The following ROBO1 variants were observed in gnomAD, a reference collection of about 807,000 sequenced individuals.
ROBO1 encodes the protein roundabout homolog 1.
Under a neutral mutation model 195.9 loss-of-function variants are expected in ROBO1, and 149 were observed. The ratio of observed to expected loss-of-function variants is 0.76; its 90% CI spans 0.67 to 0.87. The LOEUF (loss-of-function observed/expected upper bound fraction) is 0.87. Ranked by LOEUF, ROBO1 falls within the 40% of genes least tolerant of loss-of-function variation. The pLI is 0.00. For missense variants in ROBO1, 1,933 were observed against 2,068.3 expected, an observed-to-expected ratio of 0.93 and a Z score of 1.27; for synonymous variants, 816 against 733.2, an observed-to-expected ratio of 1.11 and a Z score of -1.82.
chr3:79,066,129 C>T (rs988302932), intron 3 of ROBO1, among the ~76,000 whole-genome samples: 33 of 151,958 alleles, frequency 2.2e-4, no homozygotes, highest in African/African-American at 7.2e-4. Context: ...ATGAGAGAGT[C>T]TGTAGGTCAG....
At chr3:79,503,781 G>A (rs1422735458) in intron 2 of ROBO1, among the ~76,000 whole-genome samples, 2 of 152,108 alleles carry the variant, frequency 1.3e-5, no homozygotes, top group Non-Finnish European at 2.9e-5. Context: ...TGTATTTTAA[G>A]ACAATGGCTA....
intron 5 of ROBO1, among the ~76,000 whole-genome samples, chr3:78,738,123 A>G (rs1467696013): frequency 6.6e-6 from 1 of 152,162 alleles, no homozygotes; most frequent in Non-Finnish European, 1.5e-5. Flanking sequence ...TGGCGTAGGA[A>G]GGAGACATGT....
intron 3 of ROBO1, among the ~76,000 whole-genome samples, chr3:78,971,712 C>A (rs2076769722): frequency 6.6e-6 from 1 of 152,110 alleles, no homozygotes; most frequent in Admixed American, 6.6e-5. Flanking sequence ...GATAAAAAAT[C>A]AAATACTTTG....
chr3:79,713,784 A>G (rs1702370621), intron 1 of ROBO1, among the ~76,000 whole-genome samples: 2 of 152,156 alleles, frequency 1.3e-5, no homozygotes, highest in Non-Finnish European at 2.9e-5. Context: ...GACGTAAGGA[A>G]TAAATCCAGT....
At chr3:79,753,168 T>A (rs1034324304) in intron 1 of ROBO1, among the ~76,000 whole-genome samples, 2 of 152,166 alleles carry the variant, frequency 1.3e-5, no homozygotes, top group Non-Finnish European at 2.9e-5. Context: ...TATAGACCTG[T>A]GGTTCTCAAC....
At chr3:79,071,801 C>T (rs893715470) in intron 3 of ROBO1, among the ~76,000 whole-genome samples, 1 of 151,526 alleles carries the variant, frequency 6.6e-6, no homozygotes, top group Admixed American at 6.6e-5. Flanking sequence ...GCAGCAGAGA[C>T]TTTACGGCAG....
At chr3:79,265,150 A>AAT (rs1265914742) in intron 2 of ROBO1, among the ~76,000 whole-genome samples, 3 of 151,892 alleles carry the variant, frequency 2.0e-5, no homozygotes, top group Non-Finnish European at 4.4e-5. Context: ...CTAATCAGAT[A>AAT]ATATACATAA....
intron 2 of ROBO1, among the ~76,000 whole-genome samples, chr3:79,540,571 A>G (rs902294435): frequency 3.3e-5 from 5 of 152,126 alleles, no homozygotes; most frequent in Non-Finnish European, 7.4e-5. Flanking sequence ...TCTGTTTCAT[A>G]AACAACACAT....
intron 3 of ROBO1, among the ~76,000 whole-genome samples, chr3:79,105,921 CG>C (rs1004067233): frequency 1.3e-5 from 2 of 151,550 alleles, no homozygotes; most frequent in African/African-American, 4.8e-5. Flanking sequence ...TGTAAGTTGC[CG>C]GAGGTCCCCA....
intron 2 of ROBO1, among the ~76,000 whole-genome samples, chr3:79,421,015 T>C (rs1484979075): frequency 6.6e-6 from 1 of 152,098 alleles, no homozygotes; most frequent in Non-Finnish European, 1.5e-5. Context: ...AAAATGTACA[T>C]ATACACCATG....
chr3:79,076,034 G>A (rs2079166689), intron 3 of ROBO1, among the ~76,000 whole-genome samples: 1 of 151,178 alleles, frequency 6.6e-6, no homozygotes, highest in Admixed American at 6.6e-5. Flanking sequence ...ATGTGGATGT[G>A]AGCAAGTAAT....
At chr3:79,475,800 C>T (rs1331782861) in intron 2 of ROBO1, among the ~76,000 whole-genome samples, 1 of 151,942 alleles carries the variant, frequency 6.6e-6, no homozygotes, top group Non-Finnish European at 1.5e-5. Context: ...TTTGTAAACC[C>T]CTAAGTACAA....
chr3:78,722,792 G>T (rs2082074173), intron 5 of ROBO1, among the ~76,000 whole-genome samples: 1 of 152,040 alleles, frequency 6.6e-6, no homozygotes, highest in South Asian at 2.1e-4. Context: ...TATTATATAT[G>T]TGTAACTTTA....
intron 2 of ROBO1, among the ~76,000 whole-genome samples, chr3:79,159,653 C>A (rs1041853264): frequency 6.6e-6 from 1 of 151,958 alleles, no homozygotes; most frequent in African/African-American, 2.4e-5. Flanking sequence ...ATTAATAGCC[C>A]TCATATTCAA....
intron 2 of ROBO1, among the ~76,000 whole-genome samples, chr3:79,257,276 T>A (rs2082851618): frequency 6.6e-6 from 1 of 152,106 alleles, no homozygotes; most frequent in Non-Finnish European, 1.5e-5. Flanking sequence ...ATCTAGTTCA[T>A]AATAGACAAA....
chr3:78,688,871 C>A (rs2081109340), intron 8 of ROBO1, 99 bp from the exon 9 acceptor site: 13 of 1,193,570 alleles, frequency 1.1e-5, no homozygotes, highest in Non-Finnish European at 1.5e-5. Flanking sequence ...TTATTTTATA[C>A]AACATGTTAT....
intron 8 of ROBO1, among the ~76,000 whole-genome samples, chr3:78,695,639 A>AAAAAG (rs1199937710): frequency 7.3e-5 from 11 of 150,928 alleles, no homozygotes; most frequent in Middle Eastern, 6.8e-3. Context: ...AAAAAAAAAA[A>AAAAAG]AAAAGAAAAG....
At chr3:78,653,176 C>G (rs1247226249) in intron 18 of ROBO1, among the ~76,000 whole-genome samples, 2 of 151,856 alleles carry the variant, frequency 1.3e-5, no homozygotes, top group African/African-American at 2.4e-5. Context: ...ATAGCAGAAT[C>G]TGGGTTTTGA....
intron 1 of ROBO1, among the ~76,000 whole-genome samples, chr3:79,674,537 T>C (rs774973396): frequency 3.3e-5 from 5 of 152,068 alleles, no homozygotes; most frequent in Admixed American, 6.6e-5. Flanking sequence ...TATTATTTAA[T>C]ATGTTGCTTA....
Sources: gnomAD v4.1 joint callset for allele counts (sites outside exome capture counted in the v4.1 genomes callset) on GRCh38, gnomAD v4.1.1 for gene constraint, MANE v1.5 for transcripts, NCBI Gene and HGNC (gene_info 2026-07-23, HGNC 2026-07-21) for gene names.